Variants in PPP1R15B observed in about 807,000 individuals in gnomAD.
PPP1R15B encodes the protein protein phosphatase 1 regulatory subunit 15B.
A neutral mutation model predicts 53.9 loss-of-function variants in PPP1R15B; 31 were observed. The observed-to-expected ratio is 0.58, with a 90% CI of 0.43 to 0.78. The LOEUF (loss-of-function observed/expected upper bound fraction) is 0.78. Among genes scored for constraint, PPP1R15B ranks in the 30% least tolerant of loss-of-function variants. The probability of loss-of-function intolerance (pLI) is 0.00; values close to 1 mark genes in which losing one functional copy is unlikely to be tolerated. For synonymous variants in PPP1R15B, 345 were observed against 329.1 expected, an observed-to-expected ratio of 1.05 and a Z score of -0.52; for missense variants, 928 against 849.6, an observed-to-expected ratio of 1.09 and a Z score of -1.15.
chr1:204,399,570 A>G (rs1674143503), downstream of PPP1R15B, among the ~76,000 whole-genome samples: 1 of 152,126 alleles, frequency 6.6e-6, no homozygotes, highest in Non-Finnish European at 1.5e-5. Flanking sequence ...AAAAAAAAAA[A>G]AAAGTTGTTA....
rs1674213048 is a variant in PPP1R15B, at chr1:204,403,472, T to C, written c.*2620A>G. ...ATAATTTTAACTATAAAATCCCAAC[T>C]AGTTACATTTAAATTATTGATCTGT... On this transcript the variant is annotated 3_prime_UTR_variant, in exon 2 of 2. Coordinates refer to ENST00000367188, the MANE Select transcript of PPP1R15B (RefSeq NM_032833.5). The C allele has an allele frequency of 1.2e-6, 1 of 866,254 alleles. No individual in the cohort carries two copies. The allele number at this position is 866,254 out of a possible 1,614,324, so 53.7% of individuals were successfully genotyped here.
chr1:204,399,491 C>T (rs1222767027), downstream of PPP1R15B, among the ~76,000 whole-genome samples: 17 of 150,026 alleles, frequency 1.1e-4, no homozygotes, highest in African/African-American at 3.7e-4. Flanking sequence ...GCCTGGGAGG[C>T]GGAGGTTCAG....
chr1:204,408,080 T>C (rs1190249279), intron 1 of PPP1R15B, among the ~76,000 whole-genome samples: 1 of 152,230 alleles, frequency 6.6e-6, no homozygotes. Context: ...CTGAGTTTTA[T>C]TTACTTGTCT....
Position 204,411,626 on chromosome 1 carries a change from A to G in PPP1R15B, c.-215T>C, listed in dbSNP as rs1572259180. 1.6e-6 allele frequency: 1 copy of G among 616,328 alleles called. No homozygotes were observed. The highest frequency in any genetic ancestry group is 2.8e-5 in the East Asian group (1 of 35,872). The allele number at this position is 616,328 out of a possible 1,614,324, so 38.2% of individuals were successfully genotyped here. A position where few individuals can be genotyped will look rare whatever the true frequency, so the allele number is the denominator to read the frequency against. ...AGAACAGCCCGCGCAATAGGCGGCG[A>G]CTGATGCGACTTCCATCCTGGCGGG... On this transcript the variant is annotated 5_prime_UTR_variant, in exon 1 of 2. Coordinates refer to ENST00000367188, the MANE Select transcript of PPP1R15B (RefSeq NM_032833.5).
rs768334424 is a variant in PPP1R15B at position 204,409,620 on chromosome 1, T to C, written c.1792A>G (p.Ile598Val). 45 of 1,614,000 alleles carry C rather than the reference T, an allele frequency of 2.8e-5. No homozygotes were observed. Among genetic ancestry groups the C allele is most frequent in the Non-Finnish European group, 3.6e-5 (43 of 1,180,034 alleles). The change falls in exon 1 of 2, where the codon ATT becomes GTT. Residue 598 changes from isoleucine to valine, a missense_variant. Coordinates refer to ENST00000367188, the MANE Select transcript of PPP1R15B (RefSeq NM_032833.5). ...SKTPSESIVA[I>V]SECHTLLSCK... is the part of the protein sequence containing the mutation. ...GAAAGTAAGGTGTGACACTCAGAAA[T>C]GGCCACAATGGACTCAGATGGGGTC...
intron 1 of PPP1R15B, 46 bp from the exon 2 acceptor site, chr1:204,406,359 A>G (rs1309336750): frequency 1.9e-6 from 3 of 1,600,368 alleles, no homozygotes; most frequent in South Asian, 1.1e-5. Flanking sequence ...GGATCTTACA[A>G]TCAGCATTGA....
At chr1:204,409,322 G>A (rs1197364199) in intron 1 of PPP1R15B, among the ~76,000 whole-genome samples, 170 bp downstream of exon 1, 1 of 152,126 alleles carries the variant, frequency 6.6e-6, no homozygotes, top group Non-Finnish European at 1.5e-5. Context: ...GGTGGGGGGT[G>A]AGGGACAGGA....
Position 204,411,438 on chromosome 1 carries a change from T to G in PPP1R15B, c.-27A>C, listed in dbSNP as rs201766330. ...TCCTTTTTCTTGACAGTCTCTCAGG[T>G]AGGGCCGCGGCGCTCAGCGGCTGGA... On this transcript the variant is annotated 5_prime_UTR_variant, in exon 1 of 2. Transcript: ENST00000367188. 3 of 1,596,210 alleles carry G rather than the reference T, an allele frequency of 1.9e-6. No homozygotes were observed. The African/African-American group carries it at 4.0e-5, about 21-fold the overall frequency.
intron 1 of PPP1R15B, among the ~76,000 whole-genome samples, chr1:204,408,233 G>A (rs1462312287): frequency 6.6e-6 from 1 of 152,204 alleles, no homozygotes; most frequent in Non-Finnish European, 1.5e-5. Flanking sequence ...GAGGAGTAGA[G>A]AACACAGGGC....
Position 204,409,959 on chromosome 1 carries a change from C to G in PPP1R15B, c.1453G>C (p.Asp485His), listed in dbSNP as rs751526677. The G allele has an allele frequency of 1.2e-6, 2 of 1,614,154 alleles. No homozygotes were observed. Among genetic ancestry groups the G allele is most frequent in the Non-Finnish European group, 1.7e-6 (2 of 1,180,032 alleles). Reference protein sequence around the residue: ...LHLWNSFCSVDPYNPQNFTAT... With the variant: ...LHLWNSFCSVHPYNPQNFTAT... ...GTAAAGTTCTGGGGATTATAAGGAT[C>G]TACACTGCAGAAAGAGTTCCAAAGG... Residue 485 changes from aspartate to histidine, a missense_variant, in exon 1 of 2, where the codon GAT (aspartate) becomes CAT (histidine). By Grantham distance (81) the Asp-to-His change is moderately conservative. Coordinates refer to ENST00000367188, the MANE Select transcript of PPP1R15B (RefSeq NM_032833.5).
chr1:204,411,577 G>A lies in PPP1R15B; in HGVS notation c.-166C>T. 3 of 869,964 alleles carry A rather than the reference G, an allele frequency of 3.4e-6. No individual in the cohort carries two copies. The highest frequency in any genetic ancestry group is 2.7e-5 in the Admixed American group (1 of 36,800). The allele number at this position is 869,964 out of a possible 1,614,324, so 53.9% of individuals were successfully genotyped here. A position where few individuals can be genotyped will look rare whatever the true frequency, so the allele number is the denominator to read the frequency against. ...AAAGCCACAGAGGGCAGCGAATGCG[G>A]CAGCGGGCGGCAGAACACAGGGAAG... On this transcript the variant is annotated 5_prime_UTR_variant, in exon 1 of 2. Coordinates refer to ENST00000367188, the MANE Select transcript of PPP1R15B (RefSeq NM_032833.5).
In PPP1R15B at chr1:204,404,407, C is replaced by T. The variant is rs1674229409; in HGVS notation, c.*1685G>A. ...GGCTGAGGCAGGAGAATCGCGTGAA[C>T]CCAGGAGGCGGAGGTTGCAGTGAGC... is the stretch of plus-strand genomic sequence containing the variant. On this transcript the variant is annotated 3_prime_UTR_variant, in exon 2 of 2. Transcript: ENST00000367188. The T allele has an allele frequency of 1.8e-6, 1 of 543,414 alleles. No homozygotes were observed. The highest frequency in any genetic ancestry group is 2.3e-6 in the Non-Finnish European group (1 of 426,854). The allele number at this position is 543,414 out of a possible 1,614,324, so 33.7% of individuals were successfully genotyped here. A position where few individuals can be genotyped will look rare whatever the true frequency, so the allele number is the denominator to read the frequency against.
In PPP1R15B at chr1:204,410,004, G is replaced by C. The variant is rs759021788; in HGVS notation, c.1408C>G (p.Gln470Glu). Reference protein sequence around the residue: ...DSSLSDSDLEQDPEGLHLWNS... With the variant: ...DSSLSDSDLEEDPEGLHLWNS... ...CAAAGGTGAAGCCCTTCAGGGTCTT[G>C]TTCAAGGTCTGAGTCTGACAGTGAG... The change falls in exon 1 of 2, where the codon CAA becomes GAA. Residue 470 changes from glutamine (Q) to glutamate (E), a missense_variant. Gln to Glu is a conservative substitution (Grantham distance 29). Coordinates refer to ENST00000367188, the MANE Select transcript of PPP1R15B (RefSeq NM_032833.5). The C allele has an allele frequency of 1.2e-6, 2 of 1,614,172 alleles. No individual in the cohort carries two copies. The highest frequency in any genetic ancestry group is 1.1e-5 in the South Asian group (1 of 91,092).
At position 204,403,663 on chromosome 1, in the gene PPP1R15B, T is replaced by A. The variant is rs957074130; in HGVS notation, c.*2429A>T. On this transcript the variant is annotated 3_prime_UTR_variant, in exon 2 of 2. Transcript: ENST00000367188. ...TGTACAAAGCCTTTTACATGCTACATTGACACTTAAAGCACCATTAACAAG... is the reference window on the plus strand; with the variant it reads ...TGTACAAAGCCTTTTACATGCTACAATGACACTTAAAGCACCATTAACAAG... 1.1e-5 allele frequency: 11 copies of A among 984,812 alleles called. No homozygotes were observed. Among genetic ancestry groups the A allele is most frequent in the Non-Finnish European group, 1.3e-5 (11 of 829,052 alleles). The allele number at this position is 984,812 out of a possible 1,614,324, so 61.0% of individuals were successfully genotyped here.
chr1:204,405,951 CAAA>C lies in PPP1R15B; in HGVS notation c.*138_*140del. Reference sequence around the variant, plus strand: ...GAATGTTTCTGAGTGGGATATGTTGCAAAAAAAAAAATTAAACTAGATCCAAGT... The same window carrying C: ...GAATGTTTCTGAGTGGGATATGTTGCAAAAAAAATTAAACTAGATCCAAGT... On this transcript the variant is annotated 3_prime_UTR_variant, in exon 2 of 2. Transcript: ENST00000367188. 1 of 1,035,572 alleles carries C rather than the reference CAAA, an allele frequency of 9.7e-7. No individual in the cohort carries two copies. Among genetic ancestry groups the C allele is most frequent in the Non-Finnish European group, 1.3e-6 (1 of 791,510 alleles). The allele number at this position is 1,035,572 out of a possible 1,614,324, so 64.1% of individuals were successfully genotyped here.
downstream of PPP1R15B, chr1:204,403,353 A>T (rs1009047069): frequency 1.7e-6 from 1 of 594,976 alleles, no homozygotes; most frequent in Admixed American, 6.3e-5. Context: ...TATGATACAT[A>T]TAATATAAAG....
rs3014626 is a variant in PPP1R15B, at chr1:204,410,489, C to T, written c.923G>A (p.Ser308Asn). Residue 308 changes from serine to asparagine, a missense_variant, in exon 1 of 2, where the codon AGC becomes AAC. Physicochemically the swap from Ser to Asn is conservative, Grantham distance 46 (BLOSUM62 1). Transcript: ENST00000367188. Reference protein sequence around the residue: ...MKRLEFLQQASKGQDLPTPDQ... With the variant: ...MKRLEFLQQANKGQDLPTPDQ... Reference sequence around the variant, plus strand: ...AGGGGTGGGTAAATCTTGCCCCTTGCTAGCCTGTTGAAGGAATTCCAGCCG... The same window carrying T: ...AGGGGTGGGTAAATCTTGCCCCTTGTTAGCCTGTTGAAGGAATTCCAGCCG... The T allele has an allele frequency of 5.6e-3, 8,972 of 1,614,146 alleles. 297 individuals carry two copies. In the African/African-American group the frequency reaches 0.087, roughly 16 times the overall value.
At position 204,406,196 on chromosome 1, in the gene PPP1R15B, C is replaced by T; in HGVS notation, c.2038G>A (p.Glu680Lys). 1 of 1,614,142 alleles carries T rather than the reference C, an allele frequency of 6.2e-7. No homozygotes were observed. The change falls in exon 2 of 2, where the codon GAA (glutamate) becomes AAA (lysine). Residue 680 changes from glutamate (E) to lysine (K), a missense_variant. Transcript: ENST00000367188. Reference sequence around the variant, plus strand: ...GTCAAGCAATATCCAATAGCATCTTCTGTTTCTTGAATTCGTTTCTGGAAC... The same window carrying T: ...GTCAAGCAATATCCAATAGCATCTTTTGTTTCTTGAATTCGTTTCTGGAAC... ...CRFQKRIQET[E>K]DAIGYCLTFE...
chr1:204,404,316 T>C lies in PPP1R15B; in HGVS notation c.*1776A>G, dbSNP rs1010600963. On this transcript the variant is annotated 3_prime_UTR_variant, in exon 2 of 2. Coordinates refer to ENST00000367188, the MANE Select transcript of PPP1R15B (RefSeq NM_032833.5). ...GGCCAACATAGCGAAACCCCGTCTC[T>C]ACTAAAAAGACACAAAAAATTAGCC... is the stretch of plus-strand genomic sequence containing the variant. 12 of 699,178 alleles carry C rather than the reference T, an allele frequency of 1.7e-5. No individual in the cohort carries two copies. In the South Asian group the frequency reaches 7.1e-4, roughly 41 times the overall value. The allele number at this position is 699,178 out of a possible 1,614,324, so 43.3% of individuals were successfully genotyped here.
Sources: gnomAD v4.1 joint callset for allele counts (sites outside exome capture counted in the v4.1 genomes callset) on GRCh38, gnomAD v4.1.1 for gene constraint, MANE v1.5 for transcripts, NCBI Gene and HGNC (gene_info 2026-07-23, HGNC 2026-07-21) for gene names.